Variants in SGCZ observed in about 807,000 individuals in gnomAD.
SGCZ encodes sarcoglycan zeta, also known as zeta-sarcoglycan.
Under a neutral mutation model 41.3 loss-of-function variants are expected in SGCZ, and 40 were observed. The ratio of observed to expected loss-of-function variants is 0.97; its 90% CI spans 0.75 to 1.26. SGCZ has a LOEUF of 1.26. SGCZ is among the 50% of genes most tolerant of loss of function. The pLI is 0.00. For synonymous variants in SGCZ, 206 were observed against 137.5 expected (o/e 1.50, Z -3.49); for missense variants, 552 against 369.8 (o/e 1.49, Z -4.04).
chr8:14,707,316 G>T (rs1339072018), intron 1 of SGCZ, among the ~76,000 whole-genome samples: 1 of 151,542 alleles, frequency 6.6e-6, no homozygotes, highest in East Asian at 1.9e-4. Context: ...GTGAGCTCTT[G>T]ATGTGTGTAC....
At chr8:14,494,764 T>C (rs1048549760) in intron 2 of SGCZ, among the ~76,000 whole-genome samples, 6 of 152,102 alleles carry the variant, frequency 3.9e-5, no homozygotes, top group African/African-American at 1.4e-4. Flanking sequence ...CAGAGGGAGG[T>C]AAATGGCTTT....
chr8:14,627,659 T>G (rs565883199), intron 1 of SGCZ, among the ~76,000 whole-genome samples: 1 of 152,262 alleles, frequency 6.6e-6, no homozygotes, highest in Non-Finnish European at 1.5e-5. Context: ...TATTCTCATT[T>G]TAATTTCTGA....
In SGCZ at chr8:14,200,603, GT is replaced by G. The variant is rs374854659; in HGVS notation, c.425-35902del. ...GATTCTGACGCAATTTAAAAGAGGT[GT>G]TTTTTTGTTTGTTTGTTTTGTTTTG... is the stretch of plus-strand genomic sequence containing the variant. On this transcript the variant is annotated intron_variant, in intron 4 of 7. Coordinates refer to ENST00000382080, the MANE Select transcript of SGCZ (RefSeq NM_139167.4). Among the ~76,000 whole-genome samples the G allele has an allele frequency of 3.3e-3, 497 of 152,058 alleles. 5 individuals are homozygous for G. Among genetic ancestry groups the G allele is most frequent in the African/African-American group, 0.011 (465 of 41,482 alleles).
rs1390922211 is a variant in SGCZ, at chr8:14,229,254, T to C, written c.424+8338A>G. 3.3e-5 allele frequency among the ~76,000 whole-genome samples: 5 copies of C among 152,240 alleles called. No individual in the cohort carries two copies. In the East Asian group the frequency reaches 9.7e-4, roughly 29 times the overall value. ...GAGCATCTCTGAGGCATTGGTATAATGATTCAGGATGTTTAAAAAATAATA... is the reference window on the plus strand; with the variant it reads ...GAGCATCTCTGAGGCATTGGTATAACGATTCAGGATGTTTAAAAAATAATA... On this transcript the variant is annotated intron_variant, in intron 4 of 7. Coordinates refer to ENST00000382080, the MANE Select transcript of SGCZ (RefSeq NM_139167.4).
chr8:15,220,527 G>A (rs1205715961), intron 1 of SGCZ, among the ~76,000 whole-genome samples: 1 of 152,198 alleles, frequency 6.6e-6, no homozygotes, highest in Non-Finnish European at 1.5e-5. Context: ...CCAGTTTCAG[G>A]ACGATTTAGA....
rs1181919961 is a variant in SGCZ, at chr8:14,975,809, A to ATATATATATATATGTGTG, written c.39+261775_39+261776insCACACATATATATATATA. On this transcript the variant is annotated intron_variant, in intron 1 of 7. Transcript: ENST00000382080. ...CACTTTTATATATATATATATATATATGTGTGTGTGTGTGTAGAAATAGTT... is the reference window on the plus strand; with the variant it reads ...CACTTTTATATATATATATATATATATATATATATATATGTGTGTGTGTGTGTGTGTGTAGAAATAGTT... 7.4e-4 allele frequency among the ~76,000 whole-genome samples: 98 copies of ATATATATATATATGTGTG among 131,884 alleles called. 1 individual carries two copies. The highest frequency in any genetic ancestry group is 6.3e-4 in the East Asian group (3 of 4,738). The allele number at this position is 131,884 out of a possible 152,430, so 86.5% of individuals were successfully genotyped here.
chr8:14,619,376 G>C (rs1014587114), intron 1 of SGCZ, among the ~76,000 whole-genome samples: 3 of 152,078 alleles, frequency 2.0e-5, no homozygotes, highest in Non-Finnish European at 2.9e-5. Flanking sequence ...TTGAAAACTG[G>C]CACAAGACAC....
chr8:14,984,107 A>C, intron 1 of SGCZ, among the ~76,000 whole-genome samples: 1 of 152,168 alleles, frequency 6.6e-6, no homozygotes, highest in East Asian at 1.9e-4. Flanking sequence ...AGAAAATACA[A>C]CCACACACAT....
chr8:14,916,443 T>A (rs1799441316), intron 1 of SGCZ, among the ~76,000 whole-genome samples: 1 of 152,204 alleles, frequency 6.6e-6, no homozygotes. Context: ...TAAGATCAGA[T>A]AGCAGAAATG....
At chr8:15,217,872 G>A (rs1054853483) in intron 1 of SGCZ, among the ~76,000 whole-genome samples, 18 of 152,128 alleles carry the variant, frequency 1.2e-4, no homozygotes. Flanking sequence ...CGGATCACTT[G>A]AGGTGAGGAG....
In SGCZ at chr8:14,089,213, C is replaced by A. The variant is rs1413241350; in HGVS notation, c.*1230G>T. ...GAGGTCAGGGTAGCCTAACAACGATCTAATAAAAGTAAATATATGTTAACA... is the reference window on the plus strand; with the variant it reads ...GAGGTCAGGGTAGCCTAACAACGATATAATAAAAGTAAATATATGTTAACA... On this transcript the variant is annotated 3_prime_UTR_variant, in exon 8 of 8. Coordinates refer to ENST00000382080, the MANE Select transcript of SGCZ (RefSeq NM_139167.4). Among the ~76,000 whole-genome samples the A allele has an allele frequency of 6.6e-6, 1 of 151,830 alleles. No homozygotes were observed. Among genetic ancestry groups the A allele is most frequent in the African/African-American group, 2.4e-5 (1 of 41,386 alleles).
chr8:14,295,238 G>T (rs1312035782), intron 3 of SGCZ, among the ~76,000 whole-genome samples: 2 of 152,130 alleles, frequency 1.3e-5, no homozygotes, highest in African/African-American at 4.8e-5. Context: ...TCCATGCAGT[G>T]GGTTGCTATT....
intron 2 of SGCZ, among the ~76,000 whole-genome samples, chr8:14,337,141 AAT>A (rs1456573929): frequency 6.6e-6 from 1 of 152,098 alleles, no homozygotes; most frequent in African/African-American, 2.4e-5. Context: ...CACCCCTCCC[AAT>A]ATATGGCTGG....
Position 14,880,873 on chromosome 8 carries a change from G to T in SGCZ, c.40-325947C>A, listed in dbSNP as rs1001641369. Among the ~76,000 whole-genome samples the T allele has an allele frequency of 2.0e-5, 3 of 152,114 alleles. No individual in the cohort carries two copies. In the East Asian group the frequency reaches 5.8e-4, roughly 29 times the overall value. On this transcript the variant is annotated intron_variant, in intron 1 of 7. Transcript: ENST00000382080. ...TAATGTAAATGACGAGTTAATGGGT[G>T]CAGCACATCAACATGGCACATGTAT...
intron 1 of SGCZ, among the ~76,000 whole-genome samples, chr8:15,216,225 T>TC (rs1554479313): frequency 1.4e-5 from 2 of 145,304 alleles, no homozygotes; most frequent in South Asian, 2.2e-4. Flanking sequence ...TTTTTTTTCT[T>TC]TTTTTTTTTT....
chr8:14,318,202 G>T (rs1313271772), intron 3 of SGCZ, among the ~76,000 whole-genome samples: 5 of 151,710 alleles, frequency 3.3e-5, no homozygotes, highest in Admixed American at 2.6e-4. Flanking sequence ...GGAAAGGCGG[G>T]AAAGGGGGGA....
chr8:14,393,779 T>C (rs751784348), intron 2 of SGCZ, among the ~76,000 whole-genome samples: 44 of 152,116 alleles, frequency 2.9e-4, no homozygotes, highest in Non-Finnish European at 5.0e-4. Flanking sequence ...CGCTTCAATA[T>C]CCTATATTTA....
intron 1 of SGCZ, among the ~76,000 whole-genome samples, chr8:15,108,388 G>C (rs988709269): frequency 6.6e-6 from 1 of 152,130 alleles, no homozygotes; most frequent in Non-Finnish European, 1.5e-5. Context: ...GAGGGCTAAA[G>C]GGAATAAATA....
chr8:14,993,659 T>TCTATCACATTTTG (rs1802104114), intron 1 of SGCZ, among the ~76,000 whole-genome samples: 1 of 152,152 alleles, frequency 6.6e-6, no homozygotes, highest in African/African-American at 2.4e-5. Context: ...GAGAGAATTC[T>TCTATCACATTTTG]AGCCGGGGCA....
Sources: gnomAD v4.1 joint callset for allele counts (sites outside exome capture counted in the v4.1 genomes callset) on GRCh38, gnomAD v4.1.1 for gene constraint, MANE v1.5 for transcripts, NCBI Gene and HGNC (gene_info 2026-07-23, HGNC 2026-07-21) for gene names.